The following MTUS2 variants were observed in gnomAD, a reference collection of about 807,000 sequenced individuals.
The protein encoded by MTUS2 is microtubule-associated tumor suppressor candidate 2.
In MTUS2, 40 loss-of-function variants were observed where a neutral mutation model predicts 114.1. That is an observed-to-expected ratio of 0.35 (90% CI 0.27 to 0.46). The LOEUF is 0.46. Among genes scored for constraint, MTUS2 ranks in the 20% least tolerant of loss-of-function variants. MTUS2 has a pLI of 1.00. For synonymous variants in MTUS2, 688 were observed against 672.0 expected, an observed-to-expected ratio of 1.02 and a Z score of -0.37; for missense variants, 1,679 against 1,705.4, an observed-to-expected ratio of 0.98 and a Z score of 0.27.
At chr13:29,304,356 A>G (rs1255943384) in intron 6 of MTUS2, among the ~76,000 whole-genome samples, 1 of 152,172 alleles carries the variant, frequency 6.6e-6, no homozygotes, top group Non-Finnish European at 1.5e-5. Context: ...AGCTGGATAA[A>G]GAGCCAAAAC....
At chr13:28,994,296 T>G (rs1402425951) in intron 2 of MTUS2, among the ~76,000 whole-genome samples, 1 of 152,232 alleles carries the variant, frequency 6.6e-6, no homozygotes, top group Non-Finnish European at 1.5e-5. Flanking sequence ...TAATCCAGTC[T>G]ATCATTGTTG....
intron 5 of MTUS2, among the ~76,000 whole-genome samples, chr13:29,151,945 T>C (rs899000931): frequency 2.0e-5 from 3 of 152,158 alleles, no homozygotes; most frequent in African/African-American, 7.2e-5. Flanking sequence ...AGTGTTTTGT[T>C]GAGGATTTTT....
intron 5 of MTUS2, among the ~76,000 whole-genome samples, chr13:29,255,851 C>G (rs1897269050): frequency 6.6e-6 from 1 of 152,184 alleles, no homozygotes; most frequent in Admixed American, 6.5e-5. Flanking sequence ...GGACACGCTG[C>G]ATTGAGTTAT....
chr13:29,405,742 A>AGT (rs1874699546), intron 8 of MTUS2, among the ~76,000 whole-genome samples: 1 of 37,798 alleles, frequency 2.6e-5, no homozygotes, highest in Non-Finnish European at 5.0e-5. Flanking sequence ...CTAATTAACT[A>AGT]CTTTTTTTTT....
chr13:29,368,243 A>T (rs1343937917), intron 8 of MTUS2, among the ~76,000 whole-genome samples: 1 of 151,774 alleles, frequency 6.6e-6, no homozygotes, highest in Non-Finnish European at 1.5e-5. Flanking sequence ...CAGCCCCAGA[A>T]TCTGCTTCTA....
At chr13:29,241,470 A>G (rs7490450) in intron 5 of MTUS2, among the ~76,000 whole-genome samples, 34,677 of 152,012 alleles carry the variant, frequency 0.23, 4,090 homozygotes, top group East Asian at 0.41. Context: ...CAACGCCAGC[A>G]CACTATACTG....
At chr13:29,223,309 C>T (rs1458751821) in intron 5 of MTUS2, among the ~76,000 whole-genome samples, 1 of 152,168 alleles carries the variant, frequency 6.6e-6, no homozygotes, top group Non-Finnish European at 1.5e-5. Context: ...GGGCAGGTGA[C>T]AGGATGACCT....
intron 5 of MTUS2, among the ~76,000 whole-genome samples, chr13:29,231,535 T>G (rs1896325419): frequency 6.6e-6 from 1 of 152,224 alleles, no homozygotes. Context: ...TGAACAACAG[T>G]GTTTCAGGCT....
intron 5 of MTUS2, among the ~76,000 whole-genome samples, chr13:29,166,601 A>G (rs952728578): frequency 5.3e-5 from 8 of 152,176 alleles, no homozygotes; most frequent in Non-Finnish European, 2.9e-5. Context: ...ACTTAAATGG[A>G]TAGATTTTTA....
chr13:29,318,166 T>A (rs754089571), intron 6 of MTUS2, among the ~76,000 whole-genome samples: 2 of 152,158 alleles, frequency 1.3e-5, no homozygotes, highest in Non-Finnish European at 2.9e-5. Context: ...ATCCTTTCTG[T>A]TTCTTATCTT....
intron 7 of MTUS2, among the ~76,000 whole-genome samples, chr13:29,340,292 C>A (rs1383870761): frequency 3.9e-5 from 6 of 152,182 alleles, no homozygotes; most frequent in African/African-American, 9.7e-5. Flanking sequence ...TTGTGCCTGA[C>A]CTTTAAAGGT....
rs1875999995 is a variant in MTUS2, at chr13:28,847,972, T to G, written c.-243+8122T>G. On this transcript the variant is annotated intron_variant, in intron 2 of 15. Coordinates refer to ENST00000612955, the MANE Select transcript of MTUS2 (RefSeq NM_001033602.4). ...TTTCTGCCTTGGCCAGGCTCAGCCC[T>G]CCTGTCATCTGACCTCACTATACAC... Among the ~76,000 whole-genome samples, 3 of 152,202 alleles carry G rather than the reference T, an allele frequency of 2.0e-5. No homozygotes were observed. The South Asian group carries it at 6.2e-4, about 32-fold the overall frequency.
chr13:28,851,824 C>CG (rs398070251), intron 2 of MTUS2, among the ~76,000 whole-genome samples: 1 of 151,974 alleles, frequency 6.6e-6, no homozygotes, highest in Non-Finnish European at 1.5e-5. Context: ...GGACTTAGCG[C>CG]CCAGCTTGGC....
intron 2 of MTUS2, among the ~76,000 whole-genome samples, chr13:28,977,340 A>G (rs1052752962): frequency 4.6e-5 from 7 of 152,214 alleles, no homozygotes; most frequent in African/African-American, 1.7e-4. Context: ...ATTTTAGCTT[A>G]GGAGAAGGAA....
intron 7 of MTUS2, among the ~76,000 whole-genome samples, chr13:29,342,918 A>G (rs112123907): frequency 3.6e-4 from 55 of 152,162 alleles, no homozygotes; most frequent in Non-Finnish European, 5.7e-4. Context: ...TGAGATGATC[A>G]TGTTATTTTT....
At chr13:29,065,459 A>G (rs1219351422) in intron 4 of MTUS2, among the ~76,000 whole-genome samples, 1 of 151,838 alleles carries the variant, frequency 6.6e-6, no homozygotes, top group Non-Finnish European at 1.5e-5. Flanking sequence ...TATCGTTTGC[A>G]TGCTTTTTAA....
At chr13:29,329,205 A>C (rs950078267) in intron 7 of MTUS2, among the ~76,000 whole-genome samples, 1 of 152,140 alleles carries the variant, frequency 6.6e-6, no homozygotes, top group African/African-American at 2.4e-5. Flanking sequence ...ATAGGTGTAC[A>C]CGTGCCATGG....
At chr13:29,080,314 A>G (rs905839731) in intron 4 of MTUS2, among the ~76,000 whole-genome samples, 1 of 152,108 alleles carries the variant, frequency 6.6e-6, no homozygotes, top group Non-Finnish European at 1.5e-5. Flanking sequence ...AAAAACCCCA[A>G]ACTACTCTAC....
chr13:29,289,015 C>T (rs1898599701), intron 6 of MTUS2, among the ~76,000 whole-genome samples: 1 of 152,148 alleles, frequency 6.6e-6, no homozygotes, highest in African/African-American at 2.4e-5. Flanking sequence ...AAAAAAAATC[C>T]TTTATAAAAA....
Sources: allele counts gnomAD v4.1 joint callset (sites outside exome capture counted in the v4.1 genomes callset), GRCh38; gene constraint gnomAD v4.1.1; transcripts MANE v1.5; gene names NCBI Gene and HGNC (gene_info 2026-07-23, HGNC 2026-07-21).